Variants in NALF1 observed in about 807,000 individuals in gnomAD.
The protein encoded by NALF1 is family with sequence similarity 155 member A.
A neutral mutation model predicts 48.4 loss-of-function variants in NALF1; 3 were observed. That is an observed-to-expected ratio of 0.06 (90% CI 0.03 to 0.16). The LOEUF is 0.16. Among genes scored for constraint, NALF1 ranks in the 10% least tolerant of loss-of-function variants. The probability of loss-of-function intolerance (pLI) is 1.00; values close to 1 mark genes in which losing one functional copy is unlikely to be tolerated. For synonymous variants in NALF1, 262 were observed against 245.7 expected (o/e 1.07, Z -0.62); for missense variants, 526 against 571.5 (o/e 0.92, Z 0.81).
chr13:107,537,735 C>T (rs1480306317), intron 1 of NALF1, among the ~76,000 whole-genome samples: 3 of 152,008 alleles, frequency 2.0e-5, no homozygotes, highest in Admixed American at 1.3e-4. Context: ...TTCAAACTTT[C>T]AGATGGGCAT....
intron 1 of NALF1, among the ~76,000 whole-genome samples, chr13:107,281,743 G>A (rs1881391711): frequency 6.6e-6 from 1 of 152,192 alleles, no homozygotes; most frequent in Non-Finnish European, 1.5e-5. Flanking sequence ...CAGCATGGCT[G>A]TGGAAGCCTC....
chr13:107,381,896 C>T (rs1029811317), intron 1 of NALF1, among the ~76,000 whole-genome samples: 3 of 152,142 alleles, frequency 2.0e-5, no homozygotes, highest in African/African-American at 7.2e-5. Flanking sequence ...GCTTTACTTC[C>T]ACCTGCCACT....
At chr13:107,298,662 C>T (rs1243383548) in intron 1 of NALF1, among the ~76,000 whole-genome samples, 1 of 151,988 alleles carries the variant, frequency 6.6e-6, no homozygotes, top group African/African-American at 2.4e-5. Context: ...GAACTCCTGA[C>T]CTCAGGATCC....
At chr13:107,491,435 G>A (rs1388061445) in intron 1 of NALF1, among the ~76,000 whole-genome samples, 1 of 150,678 alleles carries the variant, frequency 6.6e-6, no homozygotes, top group Non-Finnish European at 1.5e-5. Context: ...ATGGTGTTTG[G>A]AGAGTTCGGG....
chr13:107,626,071 A>G (rs1401487385), intron 1 of NALF1, among the ~76,000 whole-genome samples: 1 of 152,090 alleles, frequency 6.6e-6, no homozygotes, highest in Non-Finnish European at 1.5e-5. Flanking sequence ...ACAACATAAG[A>G]TTGGAAAATA....
At chr13:107,269,645 C>A (rs1020595220) in intron 1 of NALF1, among the ~76,000 whole-genome samples, 14 of 152,112 alleles carry the variant, frequency 9.2e-5, no homozygotes, top group African/African-American at 2.2e-4. Flanking sequence ...GTACTCTACA[C>A]AGGTAATGAC....
At chr13:107,376,120 C>G (rs1033037550) in intron 1 of NALF1, among the ~76,000 whole-genome samples, 1 of 152,066 alleles carries the variant, frequency 6.6e-6, no homozygotes, top group Non-Finnish European at 1.5e-5. Flanking sequence ...TTGGAGAGGC[C>G]CAGATGGGAA....
At chr13:107,497,616 G>T (rs1033895225) in intron 1 of NALF1, among the ~76,000 whole-genome samples, 11 of 152,060 alleles carry the variant, frequency 7.2e-5, no homozygotes. Flanking sequence ...ATCAATAAAG[G>T]CTTTTTAAAT....
chr13:107,187,920 C>T (rs181999501), intron 2 of NALF1, among the ~76,000 whole-genome samples: 3 of 152,198 alleles, frequency 2.0e-5, no homozygotes, highest in Admixed American at 6.5e-5. Flanking sequence ...GTGGTTTCTG[C>T]CATTAAAAGT....
chr13:107,281,401 A>G lies in NALF1; in HGVS notation c.916-70646T>C, dbSNP rs185216133. On this transcript the variant is annotated intron_variant, in intron 1 of 2. Coordinates refer to ENST00000375915, the MANE Select transcript of NALF1 (RefSeq NM_001080396.3). ...TTGAGCTGATCCTTTAGCAATTGGC[A>G]TAATTTGAGCATGAGGGGAAAATAT... 1.1e-4 allele frequency among the ~76,000 whole-genome samples: 16 copies of G among 152,330 alleles called. 1 individual carries two copies. In the East Asian group the frequency reaches 3.1e-3, roughly 29 times the overall value.
At chr13:107,498,936 GC>G (rs1421356434) in intron 1 of NALF1, among the ~76,000 whole-genome samples, 3 of 152,102 alleles carry the variant, frequency 2.0e-5, no homozygotes, top group South Asian at 4.2e-4. Flanking sequence ...TAGTAGATAG[GC>G]AGTGATAAAA....
intron 1 of NALF1, among the ~76,000 whole-genome samples, chr13:107,808,083 A>T (rs1230669640): frequency 6.6e-6 from 1 of 152,174 alleles, no homozygotes; most frequent in Non-Finnish European, 1.5e-5. Context: ...AGACAATTAT[A>T]CTTGGCTACA....
intron 1 of NALF1, among the ~76,000 whole-genome samples, chr13:107,673,513 C>T (rs1881039528): frequency 6.6e-6 from 1 of 152,042 alleles, no homozygotes; most frequent in Admixed American, 6.6e-5. Context: ...CAGATCATAG[C>T]GTTTTCCAAC....
At chr13:107,408,091 G>A (rs145869407) in intron 1 of NALF1, among the ~76,000 whole-genome samples, 1 of 152,058 alleles carries the variant, frequency 6.6e-6, no homozygotes, top group African/African-American at 2.4e-5. Context: ...ACGGTAGAAA[G>A]ATGGTTACCA....
At position 107,754,204 on chromosome 13, in the gene NALF1, T is replaced by C. The variant is rs569551134; in HGVS notation, c.915+111478A>G. Among the ~76,000 whole-genome samples, 10 of 152,318 alleles carry C rather than the reference T, an allele frequency of 6.6e-5. 1 individual carries two copies. Among genetic ancestry groups the C allele is most frequent in the African/African-American group, 2.4e-4 (10 of 41,572 alleles). On this transcript the variant is annotated intron_variant, in intron 1 of 2. Coordinates refer to ENST00000375915, the MANE Select transcript of NALF1 (RefSeq NM_001080396.3). ...TAAGTAAAGTTTATTTTTGTACTTA[T>C]TCAGTAAAGGTGAGATTAGTTAGAT...
chr13:107,813,638 T>C (rs1486480910), intron 1 of NALF1, among the ~76,000 whole-genome samples: 1 of 151,922 alleles, frequency 6.6e-6, no homozygotes, highest in African/African-American at 2.4e-5. Flanking sequence ...AAACTTTCTG[T>C]TGAAAATTCT....
intron 1 of NALF1, among the ~76,000 whole-genome samples, chr13:107,617,765 A>AT (rs113324289): frequency 7.4e-4 from 113 of 152,172 alleles, no homozygotes; most frequent in African/African-American, 2.5e-3. Context: ...CAATTTTTCC[A>AT]TTTTTTTCTC....
chr13:107,265,319 A>G (rs1881017500), intron 1 of NALF1, among the ~76,000 whole-genome samples: 1 of 152,172 alleles, frequency 6.6e-6, no homozygotes, highest in African/African-American at 2.4e-5. Context: ...TTAATATTTA[A>G]TTACCTTTGT....
At chr13:107,400,003 A>G (rs1883777509) in intron 1 of NALF1, among the ~76,000 whole-genome samples, 1 of 152,178 alleles carries the variant, frequency 6.6e-6, no homozygotes, top group South Asian at 2.1e-4. Flanking sequence ...ACTATGGTGT[A>G]TAATAAAAAA....
Sources: allele counts gnomAD v4.1 joint callset (sites outside exome capture counted in the v4.1 genomes callset), GRCh38; gene constraint gnomAD v4.1.1; transcripts MANE v1.5; gene names NCBI Gene and HGNC (gene_info 2026-07-23, HGNC 2026-07-21).